Variants in ANKH observed in about 807,000 individuals in gnomAD.
ANKH encodes mineralization regulator ANKH.
Under a neutral mutation model 49.0 loss-of-function variants are expected in ANKH, and 15 were observed. The ratio of observed to expected loss-of-function variants is 0.31; its 90% CI spans 0.20 to 0.47. The LOEUF is 0.47. ANKH is among the 20% of genes least tolerant of loss of function. ANKH has a pLI of 1.00. For synonymous variants in ANKH, 273 were observed against 260.0 expected (o/e 1.05, Z -0.48); for missense variants, 429 against 652.0 (o/e 0.66, Z 3.72).
chr5:14,784,130 A>G (rs1314744430), intron 1 of ANKH, among the ~76,000 whole-genome samples: 1 of 152,254 alleles, frequency 6.6e-6, no homozygotes, highest in Non-Finnish European at 1.5e-5. Flanking sequence ...AACCTCTTAC[A>G]TAGGCGGTAC....
At chr5:14,712,764 A>G in intron 11 of ANKH, 110 bp downstream of exon 11, 1 of 1,083,174 alleles carries the variant, frequency 9.2e-7, no homozygotes. Context: ...AGTGTCACCA[A>G]GGATCCCCCA....
At chr5:14,827,751 T>TG (rs777582407) in intron 1 of ANKH, among the ~76,000 whole-genome samples, 29 of 135,964 alleles carry the variant, frequency 2.1e-4, no homozygotes, top group South Asian at 1.1e-3. Context: ...TCCTAAGACC[T>TG]ATTTTTTTTG....
intron 9 of ANKH, among the ~76,000 whole-genome samples, chr5:14,714,856 G>T (rs1737384346): frequency 6.6e-6 from 1 of 152,232 alleles, no homozygotes; most frequent in Non-Finnish European, 1.5e-5. Context: ...GCTATAGCCT[G>T]CTCCCAGCTG....
intron 1 of ANKH, among the ~76,000 whole-genome samples, chr5:14,801,267 T>G (rs1050661607): frequency 6.6e-6 from 1 of 152,206 alleles, no homozygotes; most frequent in Non-Finnish European, 1.5e-5. Context: ...TTCTTGATCT[T>G]TAAGTCCTTA....
At chr5:14,724,772 C>T (rs1299492455) in intron 8 of ANKH, among the ~76,000 whole-genome samples, 1 of 152,166 alleles carries the variant, frequency 6.6e-6, no homozygotes, top group East Asian at 1.9e-4. Flanking sequence ...ACATGCCAAC[C>T]AGGCCACGGT....
intron 1 of ANKH, among the ~76,000 whole-genome samples, chr5:14,817,881 C>A (rs897765961): frequency 6.6e-6 from 1 of 151,896 alleles, no homozygotes. Flanking sequence ...TTGGTCAACA[C>A]GGTAAAACCC....
intron 1 of ANKH, among the ~76,000 whole-genome samples, chr5:14,788,377 C>T (rs1049454406): frequency 2.0e-5 from 3 of 152,196 alleles, no homozygotes; most frequent in African/African-American, 7.2e-5. Context: ...TGCAAATATA[C>T]TTCATGATTG....
In ANKH at chr5:14,770,394, A is replaced by G. The variant is rs144548953; in HGVS notation, c.97-1203T>C. On this transcript the variant is annotated intron_variant, in intron 1 of 11. Transcript: ENST00000284268. The surrounding 1 kb of genome is among the most constrained non-coding windows in gnomAD (Gnocchi z 4.1). ...AGACCCCCAGTGAATGCCTGAAACC[A>G]TGGAAAGTACCTATGTTTTTTCCTA... Among the ~76,000 whole-genome samples the G allele has an allele frequency of 2.1e-3, 323 of 152,292 alleles. No homozygotes were observed. The highest frequency in any genetic ancestry group is 7.6e-3 in the African/African-American group (314 of 41,558).
At chr5:14,771,921 G>GA (rs869185652) in intron 1 of ANKH, among the ~76,000 whole-genome samples, 1,038 of 53,218 alleles carry the variant, frequency 0.02, 24 homozygotes, top group African/African-American at 0.059. Context: ...CTCAAAAAAA[G>GA]AAAAAAAAAA....
chr5:14,828,918 G>A (rs1741424278), intron 1 of ANKH, among the ~76,000 whole-genome samples: 2 of 152,184 alleles, frequency 1.3e-5, no homozygotes, highest in South Asian at 4.1e-4. Context: ...TGGCTGCAGT[G>A]GCTCACGCCT....
At chr5:14,860,642 A>C (rs1290252599) in intron 1 of ANKH, among the ~76,000 whole-genome samples, 1 of 152,176 alleles carries the variant, frequency 6.6e-6, no homozygotes, top group Non-Finnish European at 1.5e-5. Flanking sequence ...ACTTCTTATC[A>C]CCTTAAAAAC....
intron 8 of ANKH, 102 bp downstream of exon 8, chr5:14,741,725 A>G: frequency 1.2e-6 from 1 of 831,254 alleles, no homozygotes; most frequent in East Asian, 2.6e-5. Context: ...ATCCAGCATC[A>G]CATTACATTG....
intron 2 of ANKH, among the ~76,000 whole-genome samples, chr5:14,761,546 A>G (rs923918144): frequency 1.3e-5 from 2 of 151,460 alleles, no homozygotes; most frequent in Non-Finnish European, 2.9e-5. Flanking sequence ...CTAGGGATGC[A>G]CTGAAATGTG....
intron 1 of ANKH, among the ~76,000 whole-genome samples, chr5:14,792,925 C>T (rs375831232): frequency 7.0e-6 from 1 of 143,768 alleles, no homozygotes; most frequent in Non-Finnish European, 1.5e-5. Flanking sequence ...TGCAGTGAGC[C>T]GAGATTATGC....
chr5:14,808,222 T>G (rs1740763426), intron 1 of ANKH, among the ~76,000 whole-genome samples: 1 of 152,104 alleles, frequency 6.6e-6, no homozygotes, highest in African/African-American at 2.4e-5. Context: ...GTTGAGCATA[T>G]TTTCTTCCAG....
intron 1 of ANKH, among the ~76,000 whole-genome samples, chr5:14,839,191 A>G (rs978989318): frequency 6.6e-6 from 1 of 152,100 alleles, no homozygotes; most frequent in African/African-American, 2.4e-5. Context: ...CGACCACAGC[A>G]CTCACAATCT....
chr5:14,839,881 T>C (rs552943952), intron 1 of ANKH, among the ~76,000 whole-genome samples: 2 of 152,298 alleles, frequency 1.3e-5, no homozygotes, highest in South Asian at 4.1e-4. Flanking sequence ...GGTAGAAACA[T>C]GACCCTGACT....
chr5:14,767,089 G>T lies in ANKH; in HGVS notation c.313+1886C>A, dbSNP rs533034730. 3.3e-5 allele frequency among the ~76,000 whole-genome samples: 5 copies of T among 152,292 alleles called. No individual in the cohort carries two copies. The East Asian group carries it at 9.6e-4, about 29-fold the overall frequency. ...CAACGTTCAATGACATAGGAAAGTGGTGGGAAGAATGGCTGGGGGGTGGAG... is the reference window on the plus strand; with the variant it reads ...CAACGTTCAATGACATAGGAAAGTGTTGGGAAGAATGGCTGGGGGGTGGAG... On this transcript the variant is annotated intron_variant, in intron 2 of 11. Coordinates refer to ENST00000284268, the MANE Select transcript of ANKH (RefSeq NM_054027.6).
intron 1 of ANKH, among the ~76,000 whole-genome samples, chr5:14,803,263 T>G (rs1740616137): frequency 8.2e-6 from 1 of 122,584 alleles, no homozygotes; most frequent in Admixed American, 8.3e-5. Context: ...TTAGTCTCTA[T>G]CTCTTTTTTA....
Sources: allele counts gnomAD v4.1 joint callset (sites outside exome capture counted in the v4.1 genomes callset), GRCh38; gene constraint gnomAD v4.1.1; non-coding constraint Gnocchi (gnomAD v3.1); transcripts MANE v1.5; gene names NCBI Gene and HGNC (gene_info 2026-07-23, HGNC 2026-07-21).